The following MED21 variants were observed in gnomAD, a reference collection of about 807,000 sequenced individuals.
MED21 encodes mediator of RNA polymerase II transcription subunit 21.
Under a neutral mutation model 18.2 loss-of-function variants are expected in MED21, and 9 were observed. The ratio of observed to expected loss-of-function variants is 0.49; its 90% CI spans 0.30 to 0.86. The LOEUF (loss-of-function observed/expected upper bound fraction) is 0.86. Among genes scored for constraint, MED21 ranks in the 40% least tolerant of loss-of-function variants. MED21 has a pLI of 0.07. For missense variants in MED21, 150 were observed against 170.9 expected, an observed-to-expected ratio of 0.88 and a Z score of 0.68; for synonymous variants, 73 against 60.5, an observed-to-expected ratio of 1.21 and a Z score of -0.96.
chr12:27,031,228 TA>T (rs1385794130), downstream of MED21, among the ~76,000 whole-genome samples: 13 of 152,150 alleles, frequency 8.5e-5, no homozygotes, highest in African/African-American at 3.1e-4. Context: ...TCAATGGGAG[TA>T]TCCTTTACTA....
chr12:27,030,087 C>T lies in MED21; in HGVS notation c.*1626C>T, dbSNP rs926612736. 15 of 469,350 alleles carry T rather than the reference C, an allele frequency of 3.2e-5. No homozygotes were observed. The highest frequency in any genetic ancestry group is 1.3e-4 in the East Asian group (4 of 30,788). The allele number at this position is 469,350 out of a possible 1,614,324, so 29.1% of individuals were successfully genotyped here. On this transcript the variant is annotated 3_prime_UTR_variant, in exon 4 of 4. Transcript: ENST00000282892. ...TTGTTATTTGAAAGAAAAAAATTAA[C>T]GTTGTTGTATGTGATTCTCTGTAGA... is the stretch of plus-strand genomic sequence containing the variant.
intron 2 of MED21, chr12:27,037,132 GTTC>G (rs1457062836): frequency 6.6e-6 from 1 of 151,004 alleles, no homozygotes; most frequent in Non-Finnish European, 1.5e-5. Context: ...GTGGTTTGTA[GTTC>G]TTCTTGAAGA....
At chr12:27,028,219 A>G (rs1941570077) in intron 3 of MED21, 66 bp from the exon 4 acceptor site, 3 of 1,449,644 alleles carry the variant, frequency 2.1e-6, no homozygotes, top group Non-Finnish European at 2.7e-6. Context: ...AGATTTAAAA[A>G]TAAGTACATC....
At chr12:27,023,199 C>CGCCAAGA (rs1941496586) in intron 1 of MED21, among the ~76,000 whole-genome samples, 1 of 151,552 alleles carries the variant, frequency 6.6e-6, no homozygotes, top group African/African-American at 2.4e-5. Context: ...TCTCTTGCCT[C>CGCCAAGA]TTGGCCATCC....
At chr12:27,032,378 G>C (rs964532241), downstream of MED21, among the ~76,000 whole-genome samples, 15 of 152,176 alleles carry the variant, frequency 9.9e-5, no homozygotes, top group African/African-American at 3.4e-4. Flanking sequence ...GATGCATTGT[G>C]ATCATGGCTT....
chr12:27,025,828 C>G (rs1291918629), intron 1 of MED21, among the ~76,000 whole-genome samples: 1 of 152,014 alleles, frequency 6.6e-6, no homozygotes, highest in Non-Finnish European at 1.5e-5. Flanking sequence ...TTGCTATTCC[C>G]AATCTTTAAA....
chr12:27,029,672 T>C lies in MED21; in HGVS notation c.*1211T>C. 9.1e-6 allele frequency: 9 copies of C among 985,442 alleles called. No homozygotes were observed. The highest frequency in any genetic ancestry group is 1.1e-5 in the Non-Finnish European group (9 of 829,914). 61.0% of individuals were successfully genotyped at this position (985,442 alleles called of 1,614,324 possible). ...CGTTAGCTGTAAAAGTTGCAGCAAT[T>C]TATTGGCTAGTCATAGAAAATTTTT... On this transcript the variant is annotated 3_prime_UTR_variant, in exon 4 of 4. Transcript: ENST00000282892.
chr12:27,037,187 A>G (rs1179859859), intron 2 of MED21: 1 of 150,658 alleles, frequency 6.6e-6, no homozygotes, highest in Non-Finnish European at 1.5e-5. Flanking sequence ...TAAGTATTTT[A>G]TTCTCTTTGA....
rs182381446 is a variant in MED21, at chr12:27,026,252, A to G, written c.43-168A>G. Among the ~76,000 whole-genome samples, 607 of 152,362 alleles carry G rather than the reference A, an allele frequency of 4.0e-3. 2 individuals carry two copies. The highest frequency in any genetic ancestry group is 0.01 in the Middle Eastern group (3 of 294). On this transcript the variant is annotated intron_variant, in intron 1 of 3. Coordinates refer to ENST00000282892, the MANE Select transcript of MED21 (RefSeq NM_004264.5). ...GTTTCTTTGCAGAATTAAAACGTTT[A>G]ATCAACATTAATAATAACTGGCTTA...
intron 1 of MED21, among the ~76,000 whole-genome samples, chr12:27,024,147 C>T (rs1002515072): frequency 3.9e-5 from 6 of 152,198 alleles, no homozygotes; most frequent in African/African-American, 2.4e-5. Flanking sequence ...GTACTTATTA[C>T]CATTACGAGT....
At chr12:27,026,589 T>A in intron 2 of MED21, 55 bp downstream of exon 2, 1 of 1,107,186 alleles carries the variant, frequency 9.0e-7, no homozygotes, top group Non-Finnish European at 1.4e-6. Context: ...TTTGTAATCC[T>A]TTAAAATTAG....
Position 27,028,413 on chromosome 12 carries a change from G to A in MED21, c.387G>A (p.Gln129=). Reference sequence around the variant, plus strand: ...CACTTGCTGATATTGCACAGTCACAGCTGAAGACAAGAAGTGGTACCCATA... The same window carrying A: ...CACTTGCTGATATTGCACAGTCACAACTGAAGACAAGAAGTGGTACCCATA... ...QSALADIAQS[Q]LKTRSGTHSQ... is the part of the protein sequence containing the mutation. The change falls in exon 4 of 4, where the codon CAG becomes CAA. Residue 129 remains glutamine (Q), a synonymous_variant. Transcript: ENST00000282892. 6.2e-7 allele frequency: 1 copy of A among 1,614,128 alleles called. No homozygotes were observed. The highest frequency in any genetic ancestry group is 8.5e-7 in the Non-Finnish European group (1 of 1,179,984).
At chr12:27,035,568 C>T (rs1213741358), downstream of MED21, among the ~76,000 whole-genome samples, 1 of 144,862 alleles carries the variant, frequency 6.9e-6, no homozygotes, top group Non-Finnish European at 1.5e-5. Flanking sequence ...AGGTATATCT[C>T]CTAATGCTAT....
chr12:27,028,210 G>C, intron 3 of MED21, 75 bp from the exon 4 acceptor site: 1 of 1,447,622 alleles, frequency 6.9e-7, no homozygotes, highest in Non-Finnish European at 9.1e-7. Flanking sequence ...AAGTCATCCA[G>C]ATTTAAAAAT....
At chr12:27,023,269 T>TCTTTCCG (rs1941497698) in intron 1 of MED21, among the ~76,000 whole-genome samples, 1 of 150,598 alleles carries the variant, frequency 6.6e-6, no homozygotes, top group Non-Finnish European at 1.5e-5. Context: ...TCCTCGTATG[T>TCTTTCCG]CTTTCCGCTT....
At chr12:27,030,981 C>T (rs1437799101), downstream of MED21, among the ~76,000 whole-genome samples, 1 of 152,250 alleles carries the variant, frequency 6.6e-6, no homozygotes, top group East Asian at 1.9e-4. Flanking sequence ...GATCTTGGCT[C>T]ACCGCAACCT....
In MED21 at chr12:27,030,259, A is replaced by G; in HGVS notation, c.*1798A>G. ...ATCCTCCCACTTCAGCCTCTTCAGT[A>G]ACTGGGACTACAGGCATGTACTACC... On this transcript the variant is annotated 3_prime_UTR_variant, in exon 4 of 4. Transcript: ENST00000282892. The G allele has an allele frequency of 3.4e-6, 2 of 592,876 alleles. No individual in the cohort carries two copies. The highest frequency in any genetic ancestry group is 5.4e-5 in the Admixed American group (2 of 37,054). The allele number at this position is 592,876 out of a possible 1,614,324, so 36.7% of individuals were successfully genotyped here. A position where few individuals can be genotyped will look rare whatever the true frequency, so the allele number is the denominator to read the frequency against.
Position 27,030,305 on chromosome 12 carries a change from T to C in MED21, c.*1844T>C. On this transcript the variant is annotated 3_prime_UTR_variant, in exon 4 of 4. Transcript: ENST00000282892. ...CTACCACGTCCAGCTAATTTTTTTT[T>C]TCTTTTTTTTTTAGAGATGGGGTCT... The C allele has an allele frequency of 2.0e-6, 1 of 494,640 alleles. No homozygotes were observed. Among genetic ancestry groups the C allele is most frequent in the Non-Finnish European group, 3.6e-6 (1 of 276,020 alleles). 30.6% of individuals were successfully genotyped at this position (494,640 alleles called of 1,614,324 possible).
intron 1 of MED21, among the ~76,000 whole-genome samples, chr12:27,023,962 T>C (rs1941511218): frequency 1.3e-5 from 2 of 152,206 alleles, no homozygotes; most frequent in African/African-American, 4.8e-5. Flanking sequence ...GGTAGGTTGA[T>C]TTACAGCAGC....
Sources: gnomAD v4.1 joint callset for allele counts (sites outside exome capture counted in the v4.1 genomes callset) on GRCh38, gnomAD v4.1.1 for gene constraint, MANE v1.5 for transcripts, NCBI Gene and HGNC (gene_info 2026-07-23, HGNC 2026-07-21) for gene names.